Variants in ZNF256 observed in about 807,000 individuals in gnomAD.
ZNF256 encodes the protein bone marrow zinc finger 3.
Under a neutral mutation model 7.9 loss-of-function variants are expected in ZNF256, and 4 were observed. That is an observed-to-expected ratio of 0.50 (90% CI 0.25 to 1.15). ZNF256 has a LOEUF of 1.15. Ranked by LOEUF, ZNF256 falls within the 50% of genes most tolerant of loss-of-function variation. The pLI, the probability that ZNF256 is intolerant of heterozygous loss-of-function variation, is 0.15. For synonymous variants in ZNF256, 260 were observed against 260.4 expected, an observed-to-expected ratio of 1.00 and a Z score of 0.02; for missense variants, 666 against 755.9, an observed-to-expected ratio of 0.88 and a Z score of 1.39.
rs1240484467 is a variant in ZNF256 at position 57,944,021 on chromosome 19, A to T, written c.73T>A (p.Trp25Arg). The T allele has an allele frequency of 1.9e-6, 3 of 1,614,070 alleles. No individual in the cohort carries two copies. The East Asian group carries it at 6.7e-5, about 36-fold the overall frequency. Residue 25 changes from tryptophan to arginine, a missense_variant, in exon 2 of 3, where the codon TGG (tryptophan) becomes AGG (arginine). Trp to Arg is a moderately radical substitution (Grantham distance 101). Coordinates refer to ENST00000282308, the MANE Select transcript of ZNF256 (RefSeq NM_005773.3). ...TCATCAAGAAGACCCCACTCCTTCC[A>T]GGAGAAGTAAACAGCCACGTCCTCA... ...TFEDVAVYFSWKEWGLLDEAQ... is the reference protein window; with the variant it reads ...TFEDVAVYFSRKEWGLLDEAQ...
In ZNF256 at chr19:57,944,032, A is replaced by G. The variant is rs367848221; in HGVS notation, c.62T>C (p.Val21Ala). Reference protein sequence around the residue: ...QGIVTFEDVAVYFSWKEWGLL... With the variant: ...QGIVTFEDVAAYFSWKEWGLL... The stretch of plus-strand genomic sequence containing the variant: ...ACCCCACTCCTTCCAGGAGAAGTAA[A>G]CAGCCACGTCCTCAAAGGTCACAAT... The change falls in exon 2 of 3, where the codon GTT becomes GCT. Residue 21 changes from valine to alanine, a missense_variant. By Grantham distance (64) the Val-to-Ala change is moderately conservative (BLOSUM62 0). Transcript: ENST00000282308. The G allele has an allele frequency of 1.4e-5, 23 of 1,613,842 alleles. No individual in the cohort carries two copies. The African/African-American group carries it at 3.1e-4, about 22-fold the overall frequency.
In ZNF256 at chr19:57,941,161, G is replaced by A. The variant is rs1278952539; in HGVS notation, c.1647C>T (p.Cys549=). The change falls in exon 3 of 3, where the codon TGC becomes TGT. Residue 549 remains cysteine (C), a synonymous_variant. Transcript: ENST00000282308. ...RSHTGERPYE[C]SECWKSFSNH... ...TACTAAAGGATTTCCAACACTCACT[G>A]CACTCATAAGGCCTTTCTCCGGTGT... 1 of 1,614,086 alleles carries A rather than the reference G, an allele frequency of 6.2e-7. No individual in the cohort carries two copies. Among genetic ancestry groups the A allele is most frequent in the Non-Finnish European group, 8.5e-7 (1 of 1,180,006 alleles).
chr19:57,942,507 G>T lies in ZNF256; in HGVS notation c.301C>A (p.Gln101Lys), dbSNP rs1202806957. The T allele has an allele frequency of 1.2e-6, 2 of 1,614,214 alleles. No individual in the cohort carries two copies. Among genetic ancestry groups the T allele is most frequent in the Non-Finnish European group, 1.7e-6 (2 of 1,180,042 alleles). Residue 101 changes from glutamine to lysine, a missense_variant, in exon 3 of 3, where the codon CAG becomes AAG. Coordinates refer to ENST00000282308, the MANE Select transcript of ZNF256 (RefSeq NM_005773.3). ...TGGTGTTCAACCAAGTGCAAAATCT[G>T]TCTCAAGACTGGGCCACATATCTCA... ...PCEICGPVLRQILHLVEHQGT... is the reference protein window; with the variant it reads ...PCEICGPVLRKILHLVEHQGT...
In ZNF256 at chr19:57,942,448, G is replaced by A. The variant is rs113443588; in HGVS notation, c.360C>T (p.Asp120=). The change falls in exon 3 of 3, where the codon GAC becomes GAT. Residue 120 remains aspartate (D), a synonymous_variant. Transcript: ENST00000282308. ...GTHHGQKLYT[D]GACRKQLQFT... is the part of the protein sequence containing the mutation. ...ATTGTAATTGTTTCCTACATGCCCCGTCTGTATACAGTTTCTGACCATGGT... is the reference window on the plus strand; with the variant it reads ...ATTGTAATTGTTTCCTACATGCCCCATCTGTATACAGTTTCTGACCATGGT... 9.9e-6 allele frequency: 16 copies of A among 1,614,164 alleles called. No individual in the cohort carries two copies. Among genetic ancestry groups the A allele is most frequent in the East Asian group, 4.5e-5 (2 of 44,882 alleles).
At chr19:57,946,430 C>G (rs1371038759) in intron 1 of ZNF256, among the ~76,000 whole-genome samples, 1 of 152,168 alleles carries the variant, frequency 6.6e-6, no homozygotes, top group Admixed American at 6.5e-5. Context: ...ACTTCTTTCC[C>G]TACAGCTGCT....
rs2072723299 is a variant in ZNF256 at position 57,941,049 on chromosome 19, T to C, written c.1759A>G (p.Ser587Gly). The C allele has an allele frequency of 6.2e-7, 1 of 1,614,198 alleles. No individual in the cohort carries two copies. The highest frequency in any genetic ancestry group is 8.5e-7 in the Non-Finnish European group (1 of 1,180,046). ...CSECGKSFSQSSNLTNHQRIH... is the reference protein window; with the variant it reads ...CSECGKSFSQGSNLTNHQRIH... ...CGCTGGTGATTAGTGAGGTTAGAGC[T>C]CTGGCTAAAGGATTTTCCACATTCA... Residue 587 changes from serine to glycine, a missense_variant, in exon 3 of 3, where the codon AGC (serine) becomes GGC (glycine). Transcript: ENST00000282308.
At position 57,941,999 on chromosome 19, in the gene ZNF256, C is replaced by T; in HGVS notation, c.809G>A (p.Gly270Glu). Residue 270 changes from glycine (G) to glutamate (E), a missense_variant, in exon 3 of 3, where the codon GGA becomes GAA. Transcript: ENST00000282308. ...VHTSEKPYTC[G>E]ECGKSYRQSS... ...TTGCCTATAGGATTTCCCACATTCT[C>T]CACATGTATAAGGCTTTTCTGAAGT... 6.2e-7 allele frequency: 1 copy of T among 1,614,130 alleles called. No individual in the cohort carries two copies. Among genetic ancestry groups the T allele is most frequent in the Non-Finnish European group, 8.5e-7 (1 of 1,179,972 alleles).
At chr19:57,943,256 C>T (rs890573090) in intron 2 of ZNF256, among the ~76,000 whole-genome samples, 1 of 152,184 alleles carries the variant, frequency 6.6e-6, no homozygotes, top group Admixed American at 6.5e-5. Context: ...ATTAGTCAAA[C>T]AGGATATGTT....
chr19:57,944,031 A>C lies in ZNF256; in HGVS notation c.63T>G (p.Val21=). The change falls in exon 2 of 3, where the codon GTT becomes GTG. Residue 21 remains valine (V), a synonymous_variant. Coordinates refer to ENST00000282308, the MANE Select transcript of ZNF256 (RefSeq NM_005773.3). The part of the protein sequence containing the change: ...QGIVTFEDVA[V]YFSWKEWGLL... ...GACCCCACTCCTTCCAGGAGAAGTA[A>C]ACAGCCACGTCCTCAAAGGTCACAA... is the stretch of plus-strand genomic sequence containing the variant. 1.2e-6 allele frequency: 2 copies of C among 1,613,956 alleles called. No homozygotes were observed. Among genetic ancestry groups the C allele is most frequent in the Non-Finnish European group, 1.7e-6 (2 of 1,179,910 alleles).
Position 57,942,377 on chromosome 19 carries a change from T to C in ZNF256, c.431A>G (p.Lys144Arg). The change falls in exon 3 of 3, where the codon AAA becomes AGA. Residue 144 changes from lysine (K) to arginine (R), a missense_variant. Coordinates refer to ENST00000282308, the MANE Select transcript of ZNF256 (RefSeq NM_005773.3). ...HQHQKQHVGQKHFRSNGGRDM... is the reference protein window; with the variant it reads ...HQHQKQHVGQRHFRSNGGRDM... ...TCTGCCCCCATTGCTTCTGAAGTGT[T>C]TCTGTCCAACATGCTGCTTCTGGTG... The C allele has an allele frequency of 6.2e-7, 1 of 1,614,240 alleles. No homozygotes were observed. The highest frequency in any genetic ancestry group is 2.2e-5 in the East Asian group (1 of 44,894).
rs748099779 is a variant in ZNF256 at position 57,942,607 on chromosome 19, CT to C, written c.200del (p.Gln67ArgfsTer33). ...GTGACACCCGCTGTGGAGAAGTGCT[CT>C]GCTGATAAGGTGCCTCCTCATCCCC... The part of the protein sequence containing the change: ...GAGDEEAPYQ[Q>X]STSPQRVSQV... On this transcript the variant is annotated frameshift_variant, in exon 3 of 3. Transcript: ENST00000282308. LOFTEE classifies it low-confidence loss of function (END_TRUNC). 8 of 1,614,132 alleles carry C rather than the reference CT, an allele frequency of 5.0e-6. No homozygotes were observed. The South Asian group carries it at 8.8e-5, about 18-fold the overall frequency.
chr19:57,947,486 A>G lies in ZNF256; in HGVS notation c.-12T>C. Reference sequence around the variant, plus strand: ...TCGGCCGCCGCCATCTGACTCTGTGAGCGGAGCGGGGCCAGAGAGGATGTC... The same window carrying G: ...TCGGCCGCCGCCATCTGACTCTGTGGGCGGAGCGGGGCCAGAGAGGATGTC... On this transcript the variant is annotated 5_prime_UTR_variant, in exon 1 of 3. Coordinates refer to ENST00000282308, the MANE Select transcript of ZNF256 (RefSeq NM_005773.3). 5.6e-6 allele frequency: 7 copies of G among 1,249,280 alleles called. No individual in the cohort carries two copies. Among genetic ancestry groups the G allele is most frequent in the Non-Finnish European group, 7.1e-6 (7 of 988,666 alleles). The allele number at this position is 1,249,280 out of a possible 1,614,324, so 77.4% of individuals were successfully genotyped here.
Position 57,942,552 on chromosome 19 carries a change from G to C in ZNF256, c.256C>G (p.Pro86Ala). The C allele has an allele frequency of 6.2e-7, 1 of 1,614,206 alleles. No individual in the cohort carries two copies. Among genetic ancestry groups the C allele is most frequent in the Non-Finnish European group, 8.5e-7 (1 of 1,180,048 alleles). Residue 86 changes from proline (P) to alanine (A), a missense_variant, in exon 3 of 3, where the codon CCC becomes GCC. Coordinates refer to ENST00000282308, the MANE Select transcript of ZNF256 (RefSeq NM_005773.3). ...ATCTCACAGGGGTTGGTCTTCTGGG[G>C]AGAAGGAAGGGCCTTAGGAATCCTA... Reference protein sequence around the residue: ...QVRIPKALPSPQKTNPCEICG... With the variant: ...QVRIPKALPSAQKTNPCEICG...
intron 2 of ZNF256, among the ~76,000 whole-genome samples, chr19:57,942,903 C>T (rs2072740626): frequency 6.6e-6 from 1 of 152,194 alleles, no homozygotes; most frequent in African/African-American, 2.4e-5. Flanking sequence ...GGATATACAA[C>T]TCATTCCTCT....
At chr19:57,944,462 C>T (rs750570706) in intron 1 of ZNF256, among the ~76,000 whole-genome samples, 3 of 152,240 alleles carry the variant, frequency 2.0e-5, no homozygotes, top group Non-Finnish European at 4.4e-5. Context: ...TGCCACATGA[C>T]CATGACCACC....
In ZNF256 at chr19:57,942,364, G is replaced by A. The variant is rs1568560662; in HGVS notation, c.444C>T (p.Ser148=). ...TCAAAAACATGTCTCTGCCCCCATT[G>A]CTTCTGAAGTGTTTCTGTCCAACAT... is the stretch of plus-strand genomic sequence containing the variant. ...KQHVGQKHFR[S]NGGRDMFLSS... is the part of the protein sequence containing the mutation. Residue 148 remains serine, a synonymous_variant, in exon 3 of 3, where the codon AGC becomes AGT. Transcript: ENST00000282308. 2.5e-6 allele frequency: 4 copies of A among 1,614,176 alleles called. No homozygotes were observed. In the East Asian group the frequency reaches 8.9e-5, roughly 36 times the overall value.
Position 57,942,126 on chromosome 19 carries a change from G to A in ZNF256, c.682C>T (p.Gln228Ter). 2 of 1,614,226 alleles carry A rather than the reference G, an allele frequency of 1.2e-6. No homozygotes were observed. Among genetic ancestry groups the A allele is most frequent in the Non-Finnish European group, 1.7e-6 (2 of 1,180,048 alleles). Residue 228 changes from glutamine (Q) to a stop codon, truncating the protein, a stop_gained, in exon 3 of 3, where the codon CAG becomes TAG. Coordinates refer to ENST00000282308, the MANE Select transcript of ZNF256 (RefSeq NM_005773.3). LOFTEE classifies it low-confidence loss of function (END_TRUNC). Reference sequence around the variant, plus strand: ...TCCCTAATGAGGTCTCCCTGGTGCTGAACACGTACATGTTTGTAGCTGAAA... The same window carrying A: ...TCCCTAATGAGGTCTCCCTGGTGCTAAACACGTACATGTTTGTAGCTGAAA... ...KAFSYKHVRV[Q>*]HQGDLIRERS... is the part of the protein sequence containing the mutation.
Position 57,944,020 on chromosome 19 carries a change from CAGG to C in ZNF256, c.71_73del (p.Ser24del). ...CTCATCAAGAAGACCCCACTCCTTC[CAGG>C]AGAAGTAAACAGCCACGTCCTCAAA... On this transcript the variant is annotated inframe_deletion, in exon 2 of 3. Transcript: ENST00000282308. 6 of 1,614,022 alleles carry C rather than the reference CAGG, an allele frequency of 3.7e-6. No individual in the cohort carries two copies. The highest frequency in any genetic ancestry group is 2.2e-5 in the South Asian group (2 of 91,072).
rs780129817 is a variant in ZNF256, at chr19:57,942,077, C to T, written c.731G>A (p.Cys244Tyr). The T allele has an allele frequency of 1.9e-6, 3 of 1,614,248 alleles. No individual in the cohort carries two copies. The highest frequency in any genetic ancestry group is 2.5e-6 in the Non-Finnish European group (3 of 1,180,054). The change falls in exon 3 of 3, where the codon TGT (cysteine) becomes TAT (tyrosine). Residue 244 changes from cysteine to tyrosine, a missense_variant. Transcript: ENST00000282308. ...ACAGCTTGTGCTAAAAGATTTCCCA[C>T]ATTCACTGCACATGTAAGATCTTTC... Reference protein sequence around the residue: ...IRERSYMCSECGKSFSTSCSL... With the variant: ...IRERSYMCSEYGKSFSTSCSL...
Sources: allele counts gnomAD v4.1 joint callset (sites outside exome capture counted in the v4.1 genomes callset), GRCh38; gene constraint gnomAD v4.1.1; transcripts MANE v1.5; gene names NCBI Gene and HGNC (gene_info 2026-07-23, HGNC 2026-07-21).